Variants in CDH4 observed in about 807,000 individuals in gnomAD.
CDH4 encodes the protein cadherin-4.
A neutral mutation model predicts 86.0 loss-of-function variants in CDH4; 33 were observed. The ratio of observed to expected loss-of-function variants is 0.38; its 90% CI spans 0.29 to 0.51. The LOEUF is 0.51. CDH4 is among the 20% of genes least tolerant of loss of function. The probability of loss-of-function intolerance (pLI) is 0.86; values close to 1 mark genes in which losing one functional copy is unlikely to be tolerated. For missense variants in CDH4, 1,114 were observed against 1,307.4 expected (o/e 0.85, Z 2.28); for synonymous variants, 555 against 549.4 (o/e 1.01, Z -0.14).
At chr20:61,300,643 C>T (rs1047869966) in intron 2 of CDH4, among the ~76,000 whole-genome samples, 1 of 152,228 alleles carries the variant, frequency 6.6e-6, no homozygotes, top group Non-Finnish European at 1.5e-5. Flanking sequence ...CAGTGTTCCT[C>T]CTGCCCTGTT....
At chr20:61,499,520 AG>A in intron 2 of CDH4, 1 of 1,288,650 alleles carries the variant, frequency 7.8e-7, no homozygotes. Flanking sequence ...AGGGGGGCTT[AG>A]GGTTGTTTGT....
chr20:61,818,241 G>C (rs1237143568), intron 4 of CDH4, among the ~76,000 whole-genome samples: 3 of 152,182 alleles, frequency 2.0e-5, no homozygotes, highest in Non-Finnish European at 4.4e-5. Flanking sequence ...AGACAGTGAG[G>C]AGGGCTTGGC....
At chr20:61,546,155 T>TACGTGTGTGTG (rs2086083408) in intron 2 of CDH4, among the ~76,000 whole-genome samples, 1 of 121,642 alleles carries the variant, frequency 8.2e-6, no homozygotes, top group Non-Finnish European at 1.7e-5. Flanking sequence ...TTCACATTCG[T>TACGTGTGTGTG]GAGGGTGTGT....
At chr20:61,611,821 G>T (rs771558290) in intron 2 of CDH4, among the ~76,000 whole-genome samples, 3 of 151,918 alleles carry the variant, frequency 2.0e-5, no homozygotes, top group Non-Finnish European at 4.4e-5. Flanking sequence ...TCTCAAAAAT[G>T]ACTCTCCCAC....
At chr20:61,635,541 G>A (rs2086937574) in intron 2 of CDH4, among the ~76,000 whole-genome samples, 3 of 152,158 alleles carry the variant, frequency 2.0e-5, no homozygotes. Flanking sequence ...TCCATGTTCT[G>A]TTTGACTGCA....
intron 2 of CDH4, among the ~76,000 whole-genome samples, chr20:61,482,800 G>A (rs958015318): frequency 1.3e-5 from 2 of 152,208 alleles, no homozygotes; most frequent in East Asian, 1.9e-4. Context: ...AACAGCAGCC[G>A]CCGATGGAGC....
Position 61,686,435 on chromosome 20 carries a change from G to A in CDH4, c.170-57128G>A, listed in dbSNP as rs188229919. ...TGCCTGTACATTTGCGTGTGTATGT[G>A]CGTGTGCGTGTGCATTCGTGTGTGT... On this transcript the variant is annotated intron_variant, in intron 2 of 15. Coordinates refer to ENST00000614565, the MANE Select transcript of CDH4 (RefSeq NM_001794.5). Among the ~76,000 whole-genome samples the A allele has an allele frequency of 8.7e-4, 130 of 148,950 alleles. No homozygotes were observed. In the East Asian group the frequency reaches 0.024, roughly 28 times the overall value.
chr20:61,889,327 T>C (rs1018701094), intron 7 of CDH4, among the ~76,000 whole-genome samples: 1 of 150,048 alleles, frequency 6.7e-6, no homozygotes, highest in Non-Finnish European at 1.5e-5. Flanking sequence ...GATGGATGGA[T>C]GGATGGATGG....
chr20:61,873,622 C>CA, intron 6 of CDH4, 106 bp from the exon 7 acceptor site: 1 of 1,259,596 alleles, frequency 7.9e-7, no homozygotes, highest in Non-Finnish European at 1.1e-6. Flanking sequence ...TCCGCTACGC[C>CA]AGACTCACGG....
In CDH4 at chr20:61,784,633, AAGCCC is replaced by A. The variant is rs1978765694; in HGVS notation, c.576+11454_576+11458del. On this transcript the variant is annotated intron_variant, in intron 4 of 15. Coordinates refer to ENST00000614565, the MANE Select transcript of CDH4 (RefSeq NM_001794.5). ...ATATCCTGTGCCCCCAGGAGAATGT[AAGCCC>A]AGTTCCTCGGGACAGTTCTCGAGGC... Among the ~76,000 whole-genome samples, 2 of 61,380 alleles carry A rather than the reference AAGCCC, an allele frequency of 3.3e-5. 1 individual carries two copies. Among genetic ancestry groups the A allele is most frequent in the Admixed American group, 3.8e-4 (2 of 5,308 alleles). 40.3% of individuals were successfully genotyped at this position (61,380 alleles called of 152,430 possible).
chr20:61,640,761 C>T (rs2086998214), intron 2 of CDH4, among the ~76,000 whole-genome samples: 1 of 152,220 alleles, frequency 6.6e-6, no homozygotes, highest in South Asian at 2.1e-4. Flanking sequence ...CATCACCCAG[C>T]AAACTCAGCG....
chr20:61,797,117 G>A (rs370009280), intron 4 of CDH4, among the ~76,000 whole-genome samples: 8 of 152,054 alleles, frequency 5.3e-5, no homozygotes, highest in African/African-American at 1.7e-4. Context: ...AGCTCCTGGT[G>A]GACACAAGTC....
chr20:61,699,204 T>A (rs1306910539), intron 2 of CDH4, among the ~76,000 whole-genome samples: 1 of 152,236 alleles, frequency 6.6e-6, no homozygotes, highest in Non-Finnish European at 1.5e-5. Context: ...TTTAATTAGC[T>A]GGTCATCCTG....
chr20:61,552,779 C>T (rs1430315054), intron 2 of CDH4, among the ~76,000 whole-genome samples: 3 of 151,688 alleles, frequency 2.0e-5, no homozygotes, highest in Non-Finnish European at 2.9e-5. Flanking sequence ...ATTAAAAAGA[C>T]AATAACAAGT....
intron 8 of CDH4, among the ~76,000 whole-genome samples, chr20:61,896,781 C>T (rs1985146429): frequency 6.6e-6 from 1 of 152,242 alleles, no homozygotes; most frequent in Non-Finnish European, 1.5e-5. Context: ...ATAGGGGAAG[C>T]AGCTGCTAAC....
chr20:61,858,788 G>A (rs752098875), intron 6 of CDH4, among the ~76,000 whole-genome samples: 13 of 152,282 alleles, frequency 8.5e-5, no homozygotes, highest in Non-Finnish European at 1.2e-4. Context: ...TGGGTGTACC[G>A]CGGCTTATGA....
intron 13 of CDH4, among the ~76,000 whole-genome samples, chr20:61,931,337 G>A (rs1022585912): frequency 2.6e-5 from 4 of 152,230 alleles, no homozygotes; most frequent in Admixed American, 2.0e-4. Flanking sequence ...ATCTGGGCCA[G>A]GTCAGGAAGC....
chr20:61,536,988 G>A (rs1340537253), intron 2 of CDH4, among the ~76,000 whole-genome samples: 3 of 152,148 alleles, frequency 2.0e-5, no homozygotes, highest in Admixed American at 6.5e-5. Flanking sequence ...GGATGGGTGT[G>A]AATGAACGAA....
intron 2 of CDH4, among the ~76,000 whole-genome samples, chr20:61,649,255 T>C (rs2087096620): frequency 6.6e-6 from 1 of 152,142 alleles, no homozygotes; most frequent in Non-Finnish European, 1.5e-5. Context: ...ACGCTCACCT[T>C]TTGCATCACA....
Sources: allele counts gnomAD v4.1 joint callset (sites outside exome capture counted in the v4.1 genomes callset), GRCh38; gene constraint gnomAD v4.1.1; transcripts MANE v1.5; gene names NCBI Gene and HGNC (gene_info 2026-07-23, HGNC 2026-07-21).